The following SESTD1 variants were observed in gnomAD, a reference collection of about 807,000 sequenced individuals.
The protein encoded by SESTD1 is SEC14 and spectrin domain containing 1.
A neutral mutation model predicts 101.7 loss-of-function variants in SESTD1; 43 were observed. The observed-to-expected ratio is 0.42, with a 90% CI of 0.33 to 0.55. The LOEUF (loss-of-function observed/expected upper bound fraction) is 0.55, where lower values mean the gene tolerates loss of function less well. SESTD1 is among the 20% of genes least tolerant of loss of function. The pLI, the probability that SESTD1 is intolerant of heterozygous loss-of-function variation, is 0.07. For synonymous variants in SESTD1, 283 were observed against 286.8 expected (o/e 0.99, Z 0.13); for missense variants, 647 against 815.1 (o/e 0.79, Z 2.51).
chr2:179,260,864 T>C (rs998695553), intron 1 of SESTD1, among the ~76,000 whole-genome samples: 1 of 152,128 alleles, frequency 6.6e-6, no homozygotes, highest in African/African-American at 2.4e-5. Flanking sequence ...TGGTAAAATA[T>C]GGAAATGTGT....
chr2:179,172,112 A>G lies in SESTD1; in HGVS notation c.369+8T>C. On this transcript the variant is annotated splice_region_variant and intron_variant, in intron 5 of 17. Coordinates refer to ENST00000428443, the MANE Select transcript of SESTD1 (RefSeq NM_178123.5). ...ATAATGGACTTTAAAAAAAGAGATTACATTTACCTCAAAGCCAAGTCTATC... is the reference window on the plus strand; with the variant it reads ...ATAATGGACTTTAAAAAAAGAGATTGCATTTACCTCAAAGCCAAGTCTATC... 6.6e-7 allele frequency: 1 copy of G among 1,525,368 alleles called. No individual in the cohort carries two copies. Among genetic ancestry groups the G allele is most frequent in the Non-Finnish European group, 9.0e-7 (1 of 1,105,880 alleles). 94.5% of individuals were successfully genotyped at this position (1,525,368 alleles called of 1,614,324 possible). A position where few individuals can be genotyped will look rare whatever the true frequency, so the allele number is the denominator to read the frequency against.
At chr2:179,199,988 CCT>C (rs997808080) in intron 1 of SESTD1, among the ~76,000 whole-genome samples, 17 of 152,142 alleles carry the variant, frequency 1.1e-4, no homozygotes, top group South Asian at 2.1e-4. Flanking sequence ...TCAAATTGTC[CCT>C]GTTTGCAGAC....
intron 1 of SESTD1, among the ~76,000 whole-genome samples, chr2:179,233,125 T>C (rs961861215): frequency 6.6e-6 from 1 of 151,956 alleles, no homozygotes; most frequent in South Asian, 2.1e-4. Flanking sequence ...TCAGGGAAAA[T>C]TTAGGAAGAA....
At chr2:179,114,830 A>G (rs923343226) in intron 16 of SESTD1, among the ~76,000 whole-genome samples, 1 of 152,220 alleles carries the variant, frequency 6.6e-6, no homozygotes, top group Non-Finnish European at 1.5e-5. Context: ...AGAGAAGAAG[A>G]CTACCAGGTG....
chr2:179,251,498 G>A (rs887579001), intron 1 of SESTD1, among the ~76,000 whole-genome samples: 6 of 152,194 alleles, frequency 3.9e-5, no homozygotes, highest in Non-Finnish European at 8.8e-5. Flanking sequence ...ACCTGTCCTT[G>A]CTCCAACACC....
At chr2:179,200,454 G>A (rs903099968) in intron 1 of SESTD1, among the ~76,000 whole-genome samples, 5 of 148,260 alleles carry the variant, frequency 3.4e-5, no homozygotes, top group South Asian at 2.2e-4. Context: ...AAAAGAGCCC[G>A]CATCACCAAG....
At chr2:179,169,324 G>A (rs1051766552) in intron 5 of SESTD1, among the ~76,000 whole-genome samples, 1 of 152,006 alleles carries the variant, frequency 6.6e-6, no homozygotes, top group African/African-American at 2.4e-5. Flanking sequence ...GTACATTTCA[G>A]AGCCAGATAT....
In SESTD1 at chr2:179,106,501, A is replaced by T. The variant is rs1214312922; in HGVS notation, c.*3398T>A. The T allele has an allele frequency of 6.6e-6, 1 of 152,202 alleles. No individual in the cohort carries two copies. Among genetic ancestry groups the T allele is most frequent in the Non-Finnish European group, 1.5e-5 (1 of 68,038 alleles). 9.4% of individuals were successfully genotyped at this position (152,202 alleles called of 1,614,324 possible). On this transcript the variant is annotated 3_prime_UTR_variant, in exon 18 of 18. Transcript: ENST00000428443. Reference sequence around the variant, plus strand: ...ATTGGTAACAATGGGTTTAGATCAGAGTATGGTTTACTCATCACTGTTAGT... The same window carrying T: ...ATTGGTAACAATGGGTTTAGATCAGTGTATGGTTTACTCATCACTGTTAGT...
rs1270436542 is a variant in SESTD1, at chr2:179,107,380, T to TATAA, written c.*2518_*2519insTTAT. 6.6e-6 allele frequency: 1 copy of TATAA among 152,214 alleles called. No homozygotes were observed. The highest frequency in any genetic ancestry group is 1.5e-5 in the Non-Finnish European group (1 of 68,030). The allele number at this position is 152,214 out of a possible 1,614,324, so 9.4% of individuals were successfully genotyped here. On this transcript the variant is annotated 3_prime_UTR_variant, in exon 18 of 18. Coordinates refer to ENST00000428443, the MANE Select transcript of SESTD1 (RefSeq NM_178123.5). ...AACATTTATGAATCCTGCCTTATTT[T>TATAA]ACTTTTTGTAGGCAAGATAGCTTAA...
Position 179,173,373 on chromosome 2 carries a change from A to G in SESTD1, c.256-1140T>C, listed in dbSNP as rs1000830739. Among the ~76,000 whole-genome samples the G allele has an allele frequency of 2.0e-5, 3 of 152,220 alleles. No homozygotes were observed. The East Asian group carries it at 5.8e-4, about 29-fold the overall frequency. On this transcript the variant is annotated intron_variant, in intron 4 of 17. Transcript: ENST00000428443. ...TATTGTCTAACTCTTCAAGTAGAATATAAAATAATAAAGATAATAAAACCT... is the reference window on the plus strand; with the variant it reads ...TATTGTCTAACTCTTCAAGTAGAATGTAAAATAATAAAGATAATAAAACCT...
chr2:179,140,629 T>C (rs533561272), intron 9 of SESTD1, among the ~76,000 whole-genome samples: 1 of 152,296 alleles, frequency 6.6e-6, no homozygotes, highest in East Asian at 1.9e-4. Flanking sequence ...TAGCCATTAC[T>C]CTATTTCTCA....
At chr2:179,195,105 C>G (rs967899845) in intron 1 of SESTD1, among the ~76,000 whole-genome samples, 1 of 152,250 alleles carries the variant, frequency 6.6e-6, no homozygotes, top group East Asian at 1.9e-4. Flanking sequence ...AAGGACACTT[C>G]TCCAAGTAAG....
intron 9 of SESTD1, among the ~76,000 whole-genome samples, chr2:179,138,979 C>T (rs947927389): frequency 4.0e-5 from 6 of 151,298 alleles, no homozygotes; most frequent in African/African-American, 1.5e-4. Context: ...ATCTTTAGAA[C>T]CAAAGACAAT....
chr2:179,128,601 T>G (rs1575429121), intron 10 of SESTD1, among the ~76,000 whole-genome samples: 1 of 151,862 alleles, frequency 6.6e-6, no homozygotes, highest in South Asian at 2.1e-4. Context: ...TGGTGGCGCA[T>G]GCCTGTAATC....
intron 7 of SESTD1, among the ~76,000 whole-genome samples, chr2:179,148,884 C>T (rs750224098): frequency 6.6e-6 from 1 of 151,730 alleles, no homozygotes; most frequent in East Asian, 1.9e-4. Context: ...CATGGTGAAA[C>T]GCCGTCTTTA....
chr2:179,125,291 T>C (rs574788787), intron 10 of SESTD1, among the ~76,000 whole-genome samples: 3 of 152,296 alleles, frequency 2.0e-5, no homozygotes, highest in African/African-American at 7.2e-5. Flanking sequence ...AATCCACCAA[T>C]CTACTGACCT....
intron 4 of SESTD1, 41 bp downstream of exon 4, chr2:179,176,407 T>C: frequency 1.4e-6 from 2 of 1,480,194 alleles, no homozygotes; most frequent in Non-Finnish European, 1.9e-6. Flanking sequence ...TCTGTTGCTG[T>C]AAAATAAAAA....
intron 17 of SESTD1, among the ~76,000 whole-genome samples, chr2:179,111,256 CG>C (rs1175793288): frequency 6.6e-6 from 1 of 152,138 alleles, no homozygotes; most frequent in Admixed American, 6.5e-5. Flanking sequence ...CTTGAGATAA[CG>C]TAAGTATAGA....
chr2:179,175,203 T>C (rs929418865), intron 4 of SESTD1, among the ~76,000 whole-genome samples: 1 of 152,130 alleles, frequency 6.6e-6, no homozygotes, highest in Non-Finnish European at 1.5e-5. Flanking sequence ...TTAAATGAGA[T>C]AAATTTATAT....
Sources: allele counts gnomAD v4.1 joint callset (sites outside exome capture counted in the v4.1 genomes callset), GRCh38; gene constraint gnomAD v4.1.1; transcripts MANE v1.5; gene names NCBI Gene and HGNC (gene_info 2026-07-23, HGNC 2026-07-21).